Variants in NKAIN2 observed in about 807,000 individuals in gnomAD.
NKAIN2 encodes the protein sodium/potassium transporting ATPase interacting 2.
A neutral mutation model predicts 32.6 loss-of-function variants in NKAIN2; 14 were observed. That is an observed-to-expected ratio of 0.43 (90% CI 0.28 to 0.67). NKAIN2 has a LOEUF of 0.67. NKAIN2 is among the 30% of genes least tolerant of loss of function. The pLI is 0.17. For synonymous variants in NKAIN2, 80 were observed against 87.2 expected (o/e 0.92, Z 0.46); for missense variants, 198 against 258.3 (o/e 0.77, Z 1.60).
intron 4 of NKAIN2, among the ~76,000 whole-genome samples, chr6:124,672,303 C>T (rs1053716159): frequency 6.6e-6 from 1 of 152,016 alleles, no homozygotes; most frequent in Non-Finnish European, 1.5e-5. Context: ...GAAATAAATT[C>T]TTGCCAAAGT....
intron 3 of NKAIN2, among the ~76,000 whole-genome samples, chr6:124,656,644 A>G (rs1056216037): frequency 6.6e-6 from 1 of 152,038 alleles, no homozygotes; most frequent in Non-Finnish European, 1.5e-5. Flanking sequence ...CATACTTACT[A>G]TATTTTAACA....
At position 124,473,229 on chromosome 6, in the gene NKAIN2, C is replaced by T. The variant is rs569614467; in HGVS notation, c.273+117882C>T. On this transcript the variant is annotated intron_variant, in intron 3 of 6. Coordinates refer to ENST00000368417, the MANE Select transcript of NKAIN2 (RefSeq NM_001040214.3). The stretch of plus-strand genomic sequence containing the variant: ...CTTTCTAAAACACTTACATTGGAAC[C>T]TGTTCCAACAATGCTCATTGTAAGT... 3.5e-4 allele frequency among the ~76,000 whole-genome samples: 53 copies of T among 152,316 alleles called. No homozygotes were observed. In the South Asian group the frequency reaches 4.3e-3, roughly 12 times the overall value.
At chr6:124,342,291 C>A (rs918379372) in intron 2 of NKAIN2, among the ~76,000 whole-genome samples, 9 of 150,506 alleles carry the variant, frequency 6.0e-5, no homozygotes, top group African/African-American at 2.2e-4. Context: ...CACCTGTAGT[C>A]CCAGCTACTC....
At chr6:124,412,552 T>C (rs1207327511) in intron 3 of NKAIN2, among the ~76,000 whole-genome samples, 1 of 152,018 alleles carries the variant, frequency 6.6e-6, no homozygotes, top group Non-Finnish European at 1.5e-5. Flanking sequence ...CTCAGAGGAG[T>C]ACCCGGCCGT....
intron 1 of NKAIN2, among the ~76,000 whole-genome samples, chr6:124,166,514 T>C (rs1169670334): frequency 6.6e-6 from 1 of 150,730 alleles, no homozygotes; most frequent in Non-Finnish European, 1.5e-5. Context: ...AGAAGCTCTT[T>C]AGTTTCATTA....
intron 4 of NKAIN2, 44 bp downstream of exon 4, chr6:124,658,430 T>A: frequency 6.2e-7 from 1 of 1,613,874 alleles, no homozygotes; most frequent in Non-Finnish European, 8.5e-7. Flanking sequence ...CCTCTGGGGT[T>A]GTTTTATTTC....
intron 3 of NKAIN2, among the ~76,000 whole-genome samples, chr6:124,614,421 C>T (rs1209749523): frequency 1.3e-5 from 2 of 152,092 alleles, no homozygotes; most frequent in African/African-American, 2.4e-5. Context: ...CACCCATATC[C>T]TTTGTCATAT....
intron 3 of NKAIN2, among the ~76,000 whole-genome samples, chr6:124,392,956 G>C (rs554097786): frequency 6.6e-5 from 10 of 152,192 alleles, no homozygotes; most frequent in African/African-American, 2.4e-4. Flanking sequence ...TGTAAGCTGT[G>C]ATTGCACCCC....
chr6:124,197,447 T>C (rs1234514027), intron 1 of NKAIN2, among the ~76,000 whole-genome samples: 1 of 152,178 alleles, frequency 6.6e-6, no homozygotes, highest in Non-Finnish European at 1.5e-5. Flanking sequence ...ACTACAACTT[T>C]CCAATGAATT....
Position 124,412,716 on chromosome 6 carries a change from T to C in NKAIN2, c.273+57369T>C, listed in dbSNP as rs1219591660. ...TCTTCAAAGCTGTCAGACAGGGACA[T>C]TTAAGTCTGCAGAGGTTACTGCTGT... On this transcript the variant is annotated intron_variant, in intron 3 of 6. Coordinates refer to ENST00000368417, the MANE Select transcript of NKAIN2 (RefSeq NM_001040214.3). Among the ~76,000 whole-genome samples, 3 of 152,182 alleles carry C rather than the reference T, an allele frequency of 2.0e-5. No individual in the cohort carries two copies. The East Asian group carries it at 5.8e-4, about 29-fold the overall frequency.
chr6:124,303,188 A>G (rs1796366132), intron 2 of NKAIN2, among the ~76,000 whole-genome samples: 1 of 152,240 alleles, frequency 6.6e-6, no homozygotes. Flanking sequence ...AGTTTTTAAA[A>G]TACAGAATGA....
chr6:123,964,540 A>G lies in NKAIN2; in HGVS notation c.54+160286A>G, dbSNP rs1443536186. Among the ~76,000 whole-genome samples the G allele has an allele frequency of 6.6e-6, 1 of 152,148 alleles. No homozygotes were observed. The highest frequency in any genetic ancestry group is 1.9e-4 in the East Asian group (1 of 5,192). ...CTATATCATCTCATTTCTATATCAT[A>G]TTATTTCCTCATTTTCCTACAGAAA... On this transcript the variant is annotated intron_variant, in intron 1 of 6. Coordinates refer to ENST00000368417, the MANE Select transcript of NKAIN2 (RefSeq NM_001040214.3). The surrounding 1 kb of genome is among the most constrained non-coding windows in gnomAD (Gnocchi z 4.0).
chr6:123,827,176 T>C (rs1281159822), intron 1 of NKAIN2, among the ~76,000 whole-genome samples: 1 of 152,150 alleles, frequency 6.6e-6, no homozygotes, highest in East Asian at 1.9e-4. Context: ...CTTTTCTATT[T>C]TTTAATCAAC....
chr6:124,017,773 A>C (rs1031411031), intron 1 of NKAIN2, among the ~76,000 whole-genome samples: 8 of 151,640 alleles, frequency 5.3e-5, no homozygotes, highest in Admixed American at 6.6e-5. Flanking sequence ...ATAGTACAGC[A>C]CCCCCCACCC....
chr6:124,378,459 G>A (rs1474441447), intron 3 of NKAIN2, among the ~76,000 whole-genome samples: 1 of 152,156 alleles, frequency 6.6e-6, no homozygotes, highest in Admixed American at 6.5e-5. Flanking sequence ...AGGACATCCT[G>A]TTCCTATGAG....
intron 1 of NKAIN2, among the ~76,000 whole-genome samples, chr6:123,835,993 T>C (rs972694700): frequency 6.6e-6 from 1 of 151,758 alleles, no homozygotes; most frequent in South Asian, 2.1e-4. Flanking sequence ...AAAGTCAAAA[T>C]GGAATATTTC....
At position 124,336,149 on chromosome 6, in the gene NKAIN2, T is replaced by C. The variant is rs527823803; in HGVS notation, c.193-19118T>C. On this transcript the variant is annotated intron_variant, in intron 2 of 6. Transcript: ENST00000368417. ...ATGAAACAGAAAAGCTGTATATAGG[T>C]TGTAGTGGCAGATACCTCTATTCTT... 3.3e-5 allele frequency among the ~76,000 whole-genome samples: 5 copies of C among 152,152 alleles called. No homozygotes were observed. In the East Asian group the frequency reaches 9.6e-4, roughly 29 times the overall value.
chr6:124,640,339 AC>A (rs1783937540), intron 3 of NKAIN2, among the ~76,000 whole-genome samples: 1 of 152,184 alleles, frequency 6.6e-6, no homozygotes, highest in Non-Finnish European at 1.5e-5. Flanking sequence ...TTAAAAATTC[AC>A]ATAAATATGC....
intron 3 of NKAIN2, among the ~76,000 whole-genome samples, chr6:124,499,473 C>T (rs1778198865): frequency 6.6e-6 from 1 of 152,144 alleles, no homozygotes; most frequent in South Asian, 2.1e-4. Flanking sequence ...TATATGATTG[C>T]TCTTGTTTTT....
Sources: gnomAD v4.1 joint callset for allele counts (sites outside exome capture counted in the v4.1 genomes callset) on GRCh38, gnomAD v4.1.1 for gene constraint, Gnocchi (gnomAD v3.1) non-coding constraint, MANE v1.5 for transcripts, NCBI Gene and HGNC (gene_info 2026-07-23, HGNC 2026-07-21) for gene names.